The following PLPP3 variants were observed in gnomAD, a reference collection of about 807,000 sequenced individuals.
PLPP3 encodes the protein PAP2 beta.
A neutral mutation model predicts 29.6 loss-of-function variants in PLPP3; 6 were observed. The ratio of observed to expected loss-of-function variants is 0.20; its 90% CI spans 0.11 to 0.40. The LOEUF (loss-of-function observed/expected upper bound fraction) is 0.40. Ranked by LOEUF, PLPP3 falls within the 10% of genes least tolerant of loss-of-function variation. PLPP3 has a pLI of 1.00. For missense variants in PLPP3, 308 were observed against 407.7 expected (o/e 0.76, Z 2.11); for synonymous variants, 152 against 159.7 (o/e 0.95, Z 0.36).
chr1:56,531,177 C>T (rs1354924748), intron 2 of PLPP3, among the ~76,000 whole-genome samples: 1 of 152,190 alleles, frequency 6.6e-6, no homozygotes, highest in East Asian at 1.9e-4. Context: ...AAGTGCTCTT[C>T]CTCTGAACTC....
intron 2 of PLPP3, among the ~76,000 whole-genome samples, chr1:56,530,753 A>G (rs1019906018): frequency 9.2e-6 from 1 of 109,044 alleles, no homozygotes; most frequent in Admixed American, 8.8e-5. Flanking sequence ...ATTCCTCAGC[A>G]TTCAAGGGTC....
intron 1 of PLPP3, among the ~76,000 whole-genome samples, chr1:56,554,459 C>T (rs1646060826): frequency 2.6e-5 from 4 of 151,678 alleles, no homozygotes; most frequent in Admixed American, 2.6e-4. Context: ...GTAATCCCAG[C>T]TACTCGGGAG....
chr1:56,501,737 A>G (rs1317637315), intron 5 of PLPP3, among the ~76,000 whole-genome samples: 2 of 152,164 alleles, frequency 1.3e-5, no homozygotes, highest in African/African-American at 2.4e-5. Flanking sequence ...TAAGAACCCC[A>G]TTCACCGTGA....
chr1:56,579,127 G>C lies in PLPP3; in HGVS notation c.-111C>G. ...GCCGAGGCTGCTGCGGATAGTGGCGGGTCGGCCCCGGCTCCGGGCGCGGCG... is the reference window on the plus strand; with the variant it reads ...GCCGAGGCTGCTGCGGATAGTGGCGCGTCGGCCCCGGCTCCGGGCGCGGCG... On this transcript the variant is annotated 5_prime_UTR_variant, in exon 1 of 6. Transcript: ENST00000371250. 7.0e-7 allele frequency: 1 copy of C among 1,423,318 alleles called. No individual in the cohort carries two copies. Among genetic ancestry groups the C allele is most frequent in the South Asian group, 1.4e-5 (1 of 73,950 alleles). 88.2% of individuals were successfully genotyped at this position (1,423,318 alleles called of 1,614,324 possible). A position where few individuals can be genotyped will look rare whatever the true frequency, so the allele number is the denominator to read the frequency against.
intron 1 of PLPP3, among the ~76,000 whole-genome samples, chr1:56,560,041 C>G (rs576966244): frequency 1.3e-5 from 2 of 152,180 alleles, no homozygotes; most frequent in African/African-American, 4.8e-5. Flanking sequence ...CTTTCAGAAG[C>G]CTTCCCCCAG....
rs1645931947 is a variant in PLPP3, at chr1:56,537,005, T to C, written c.247A>G (p.Ile83Val). 2 of 1,613,712 alleles carry C rather than the reference T, an allele frequency of 1.2e-6. No individual in the cohort carries two copies. Among genetic ancestry groups the C allele is most frequent in the East Asian group, 2.2e-5 (1 of 44,854 alleles). ...IKYPLKTGET[I>V]NDAVLCAVGI... ...ACGGCACAGAGCACAGCGTCATTTA[T>C]TGTCTCACCAGTTTTCAGTGGGTAC... The change falls in exon 2 of 6, where the codon ATA becomes GTA. Residue 83 changes from isoleucine to valine, a missense_variant. By Grantham distance (29) the Ile-to-Val change is conservative (BLOSUM62 3). Coordinates refer to ENST00000371250, the MANE Select transcript of PLPP3 (RefSeq NM_003713.5).
At chr1:56,496,801 AG>A in intron 5 of PLPP3, 125 bp from the exon 6 acceptor site, 1 of 915,522 alleles carries the variant, frequency 1.1e-6, no homozygotes, top group South Asian at 1.7e-5. Flanking sequence ...CTCTTTGAAT[AG>A]GGAAGGACAA....
At chr1:56,557,030 G>GAAAGAAAAGAA (rs1241231476) in intron 1 of PLPP3, among the ~76,000 whole-genome samples, 3 of 19,468 alleles carry the variant, frequency 1.5e-4, no homozygotes, top group Non-Finnish European at 4.5e-4. Context: ...GAGAGAAAGA[G>GAAAGAAAAGAA]AGAGAGAGAG....
At chr1:56,535,741 A>G (rs1329417505) in intron 2 of PLPP3, among the ~76,000 whole-genome samples, 1 of 152,140 alleles carries the variant, frequency 6.6e-6, no homozygotes, top group East Asian at 1.9e-4. Context: ...ACTCTAAAGA[A>G]GCTACTTTAG....
At chr1:56,545,993 T>C (rs1186860263) in intron 1 of PLPP3, among the ~76,000 whole-genome samples, 1 of 152,234 alleles carries the variant, frequency 6.6e-6, no homozygotes, top group Non-Finnish European at 1.5e-5. Flanking sequence ...GCCCGCGATC[T>C]AGCTCAAAGG....
chr1:56,504,017 C>T (rs763752317), intron 5 of PLPP3, among the ~76,000 whole-genome samples: 10 of 152,114 alleles, frequency 6.6e-5, no homozygotes, highest in Non-Finnish European at 1.5e-4. Context: ...AGTGATCCAC[C>T]CACCTTGGCC....
intron 4 of PLPP3, chr1:56,517,052 T>C (rs1264923225): frequency 6.6e-6 from 1 of 152,268 alleles, no homozygotes; most frequent in Admixed American, 6.5e-5. Flanking sequence ...TCGTTCTTGC[T>C]AAGTCATTTG....
intron 1 of PLPP3, among the ~76,000 whole-genome samples, chr1:56,557,040 GAGAGAGAGAGAGAGAGAGAA>G (rs1646087033): frequency 2.9e-4 from 3 of 10,292 alleles, no homozygotes; most frequent in African/African-American, 5.4e-4. Context: ...GAGAGAGAGA[GAGAGAGAGAGAGAGAGAGAA>G]AGAAAGAAAG....
chr1:56,574,197 T>G (rs1646219468), intron 1 of PLPP3, among the ~76,000 whole-genome samples: 1 of 137,670 alleles, frequency 7.3e-6, no homozygotes, highest in African/African-American at 2.8e-5. Flanking sequence ...AGACTCTGTC[T>G]CAAAAAAAAA....
rs145573744 is a variant in PLPP3, at chr1:56,518,715, T to TTATATATATATATATATA, written c.633+5090_633+5107dup. Reference sequence around the variant, plus strand: ...GGAATTTACAGCCTTTTTTAATCATTTATATATATATATATATATAGACAG... The same window carrying TTATATATATATATATATA: ...GGAATTTACAGCCTTTTTTAATCATTTATATATATATATATATATATATATATATATATATATAGACAG... On this transcript the variant is annotated intron_variant, in intron 4 of 5. Coordinates refer to ENST00000371250, the MANE Select transcript of PLPP3 (RefSeq NM_003713.5). Among the ~76,000 whole-genome samples, 546 of 126,606 alleles carry TTATATATATATATATATA rather than the reference T, an allele frequency of 4.3e-3. 17 individuals carry two copies. Among genetic ancestry groups the TTATATATATATATATATA allele is most frequent in the Non-Finnish European group, 4.8e-3 (274 of 57,306 alleles). The allele number at this position is 126,606 out of a possible 152,430, so 83.1% of individuals were successfully genotyped here.
At chr1:56,575,177 C>A (rs1646227493) in intron 1 of PLPP3, among the ~76,000 whole-genome samples, 1 of 152,164 alleles carries the variant, frequency 6.6e-6, no homozygotes, top group African/African-American at 2.4e-5. Context: ...TAATCCCACA[C>A]AGTCATTTTG....
At chr1:56,555,454 A>AAAC (rs1646069866) in intron 1 of PLPP3, among the ~76,000 whole-genome samples, 1 of 149,526 alleles carries the variant, frequency 6.7e-6, no homozygotes, top group Non-Finnish European at 1.5e-5. Flanking sequence ...AAAAAAAAAA[A>AAAC]AAAAAACAAA....
intron 1 of PLPP3, among the ~76,000 whole-genome samples, chr1:56,546,423 A>G (rs1646006894): frequency 6.6e-6 from 1 of 152,218 alleles, no homozygotes; most frequent in Admixed American, 6.5e-5. Flanking sequence ...GAAAATAGAA[A>G]TAACTCTTGA....
chr1:56,563,233 T>C (rs1310590194), intron 1 of PLPP3, among the ~76,000 whole-genome samples: 1 of 152,282 alleles, frequency 6.6e-6, no homozygotes. Flanking sequence ...ACAAAACTTC[T>C]TTTAGGAAAG....
Sources: allele counts gnomAD v4.1 joint callset (sites outside exome capture counted in the v4.1 genomes callset), GRCh38; gene constraint gnomAD v4.1.1; transcripts MANE v1.5; gene names NCBI Gene and HGNC (gene_info 2026-07-23, HGNC 2026-07-21).